The following PAM variants were observed in gnomAD, a reference collection of about 807,000 sequenced individuals.
The protein encoded by PAM is peptidyl-glycine alpha-amidating monooxygenase.
A neutral mutation model predicts 122.1 loss-of-function variants in PAM; 72 were observed. That is an observed-to-expected ratio of 0.59 (90% CI 0.49 to 0.72). The LOEUF (loss-of-function observed/expected upper bound fraction) is 0.72. Among genes scored for constraint, PAM ranks in the 30% least tolerant of loss-of-function variants. PAM has a pLI of 0.00. For missense variants in PAM, 1,106 were observed against 1,183.7 expected (o/e 0.93, Z 0.96); for synonymous variants, 389 against 404.4 (o/e 0.96, Z 0.46).
At chr5:102,839,298 C>G (rs148178743) in intron 1 of PAM, among the ~76,000 whole-genome samples, 1 of 152,260 alleles carries the variant, frequency 6.6e-6, no homozygotes, top group East Asian at 1.9e-4. Context: ...TAGAGATCTT[C>G]TTTAAGCTAG....
chr5:102,848,945 TG>T (rs1210151109), intron 1 of PAM, among the ~76,000 whole-genome samples: 1 of 151,926 alleles, frequency 6.6e-6, no homozygotes, highest in Admixed American at 6.6e-5. Context: ...GCAAGATGAA[TG>T]AGAAAAGACC....
chr5:102,891,271 A>G (rs568272735), intron 3 of PAM, among the ~76,000 whole-genome samples: 1 of 152,054 alleles, frequency 6.6e-6, no homozygotes, highest in South Asian at 2.1e-4. Flanking sequence ...TAGCAGGACT[A>G]GCAAAAAAGG....
chr5:102,926,302 T>G (rs1231442403), intron 6 of PAM, among the ~76,000 whole-genome samples: 1 of 152,218 alleles, frequency 6.6e-6, no homozygotes, highest in East Asian at 1.9e-4. Context: ...GAATTTTGTT[T>G]TGCTCTGTTT....
intron 1 of PAM, among the ~76,000 whole-genome samples, chr5:102,815,028 C>T (rs549531246): frequency 1.3e-4 from 20 of 151,988 alleles, no homozygotes; most frequent in Non-Finnish European, 2.5e-4. Flanking sequence ...TACTTTTATT[C>T]CTCTATCTTC....
intron 7 of PAM, among the ~76,000 whole-genome samples, chr5:102,939,789 C>A (rs1754489995): frequency 6.6e-6 from 1 of 151,838 alleles, no homozygotes; most frequent in Non-Finnish European, 1.5e-5. Context: ...AAATTAGATA[C>A]TTTGGATTTA....
intron 12 of PAM, among the ~76,000 whole-genome samples, chr5:102,952,222 G>A (rs924074456): frequency 1.3e-5 from 2 of 152,080 alleles, no homozygotes; most frequent in Non-Finnish European, 2.9e-5. Context: ...TTGCAGCGGG[G>A]AGGTTTGTTA....
At chr5:102,788,121 A>C (rs1761055292) in intron 1 of PAM, among the ~76,000 whole-genome samples, 1 of 152,168 alleles carries the variant, frequency 6.6e-6, no homozygotes, top group Non-Finnish European at 1.5e-5. Context: ...AACAGAAATC[A>C]TCATATATTT....
rs75131752 is a variant in PAM at position 103,010,603 on chromosome 5, C to A, written c.2331+737C>A. 3.0e-3 allele frequency among the ~76,000 whole-genome samples: 461 copies of A among 152,242 alleles called. 1 individual carries two copies. Among genetic ancestry groups the A allele is most frequent in the Non-Finnish European group, 5.8e-3 (396 of 68,010 alleles). ...TAAAATGCTACAAATAAGTGTTATT[C>A]TTCAAAACATGTAAAGATTCATTGG... On this transcript the variant is annotated intron_variant, in intron 21 of 25. Coordinates refer to ENST00000438793, the MANE Select transcript of PAM (RefSeq NM_001177306.2).
chr5:102,840,359 G>T (rs1030364511), intron 1 of PAM, among the ~76,000 whole-genome samples: 5 of 152,054 alleles, frequency 3.3e-5, no homozygotes, highest in African/African-American at 1.2e-4. Flanking sequence ...TGTCTTGTAA[G>T]CTTTGTGACA....
At chr5:102,978,302 A>G (rs187538970) in intron 15 of PAM, among the ~76,000 whole-genome samples, 2 of 152,224 alleles carry the variant, frequency 1.3e-5, no homozygotes, top group South Asian at 4.1e-4. Context: ...TGCATGTGAT[A>G]TATGACATAC....
At position 102,860,414 on chromosome 5, in the gene PAM, T is replaced by C. The variant is rs573444195; in HGVS notation, c.-373-5409T>C. ...AAGCAAGGAAATGTTCAAAGGATGA[T>C]AGGAATATGTCAAAGGCTAGCACTT... On this transcript the variant is annotated intron_variant, in intron 1 of 25. Transcript: ENST00000438793. Among the ~76,000 whole-genome samples the C allele has an allele frequency of 1.1e-4, 17 of 152,136 alleles. No homozygotes were observed. The East Asian group carries it at 3.3e-3, about 29-fold the overall frequency.
At chr5:102,902,669 T>G (rs1430530951) in intron 4 of PAM, among the ~76,000 whole-genome samples, 1 of 151,532 alleles carries the variant, frequency 6.6e-6, no homozygotes, top group Non-Finnish European at 1.5e-5. Flanking sequence ...ATTAACACAC[T>G]TGGCCACCTA....
chr5:102,918,020 C>T (rs1168380896), intron 5 of PAM, among the ~76,000 whole-genome samples: 1 of 152,118 alleles, frequency 6.6e-6, no homozygotes, highest in Non-Finnish European at 1.5e-5. Flanking sequence ...ATTTAAATTG[C>T]ATACGTTGAT....
chr5:103,019,919 C>G (rs549549517), intron 23 of PAM, 76 bp downstream of exon 23: 1 of 874,792 alleles, frequency 1.1e-6, no homozygotes, highest in African/African-American at 1.7e-5. Flanking sequence ...TTGATTGCAA[C>G]TTAAAAAATT....
chr5:102,803,258 A>G (rs1168936782), intron 1 of PAM, among the ~76,000 whole-genome samples: 1 of 152,122 alleles, frequency 6.6e-6, no homozygotes, highest in Non-Finnish European at 1.5e-5. Flanking sequence ...CTCAACTTGA[A>G]TCACCAAAGC....
chr5:103,009,914 A>G (rs2151113769), intron 21 of PAM, 48 bp downstream of exon 21: 3 of 964,842 alleles, frequency 3.1e-6, no homozygotes, highest in Non-Finnish European at 4.7e-6. Context: ...GAAGAAGACT[A>G]AAATATAAAT....
intron 4 of PAM, among the ~76,000 whole-genome samples, chr5:102,905,369 G>C (rs1223221463): frequency 6.6e-6 from 1 of 151,626 alleles, no homozygotes; most frequent in East Asian, 1.9e-4. Context: ...ACATAAATGA[G>C]ATAGAAGCCA....
chr5:102,915,921 A>G lies in PAM; in HGVS notation c.356+1900A>G, dbSNP rs1029900214. ...AATAAACTATTCTGAAATTAAATCT[A>G]TAAGATATATTGACCAAAAATCTTC... On this transcript the variant is annotated intron_variant, in intron 5 of 25. Transcript: ENST00000438793. Among the ~76,000 whole-genome samples the G allele has an allele frequency of 5.9e-5, 9 of 151,894 alleles. No homozygotes were observed. The East Asian group carries it at 1.5e-3, about 26-fold the overall frequency.
chr5:102,949,984 TA>T lies in PAM; in HGVS notation c.801+10del. 2 of 1,459,586 alleles carry T rather than the reference TA, an allele frequency of 1.4e-6. No individual in the cohort carries two copies. The highest frequency in any genetic ancestry group is 1.9e-6 in the Non-Finnish European group (2 of 1,041,130). The allele number at this position is 1,459,586 out of a possible 1,614,324, so 90.4% of individuals were successfully genotyped here. On this transcript the variant is annotated splice_region_variant and intron_variant, in intron 11 of 25. Transcript: ENST00000438793. ...AGAGCCCTCAGCTGCCACAGGTGGG[TA>T]AAATCTAGTTTAATTTTGAGAGAAA...
Sources: gnomAD v4.1 joint callset for allele counts (sites outside exome capture counted in the v4.1 genomes callset) on GRCh38, gnomAD v4.1.1 for gene constraint, MANE v1.5 for transcripts, NCBI Gene and HGNC (gene_info 2026-07-23, HGNC 2026-07-21) for gene names.